The following IQCK variants were observed in gnomAD, a reference collection of about 807,000 sequenced individuals.
The protein encoded by IQCK is IQ domain-containing protein K.
Under a neutral mutation model 28.1 loss-of-function variants are expected in IQCK, and 29 were observed. The ratio of observed to expected loss-of-function variants is 1.03; its 90% CI spans 0.77 to 1.41. IQCK has a LOEUF of 1.41. Ranked by LOEUF, IQCK falls within the 40% of genes most tolerant of loss-of-function variation. The probability of loss-of-function intolerance (pLI) is 0.00; values close to 1 mark genes in which losing one functional copy is unlikely to be tolerated. For missense variants in IQCK, 359 were observed against 314.7 expected (o/e 1.14, Z -1.07); for synonymous variants, 113 against 115.1 (o/e 0.98, Z 0.12).
chr16:19,805,416 T>C (rs2055821278), intron 7 of IQCK, among the ~76,000 whole-genome samples: 1 of 152,242 alleles, frequency 6.6e-6, no homozygotes, highest in African/African-American at 2.4e-5. Flanking sequence ...CATTTGCTAA[T>C]ATTCACTCAC....
intron 4 of IQCK, chr16:19,761,619 T>A: frequency 3.5e-6 from 1 of 288,840 alleles, no homozygotes; most frequent in Non-Finnish European, 6.9e-6. Flanking sequence ...CTAAAAGAAG[T>A]TTACTGGTAT....
At chr16:19,745,243 C>A (rs901993236) in intron 4 of IQCK, among the ~76,000 whole-genome samples, 1 of 152,188 alleles carries the variant, frequency 6.6e-6, no homozygotes, top group Admixed American at 6.5e-5. Context: ...CTCAGTGAAT[C>A]ACCTCACCTA....
In IQCK at chr16:19,849,968, T is replaced by G. The variant is rs2056461993; in HGVS notation, c.803-6519T>G. Among the ~76,000 whole-genome samples the G allele has an allele frequency of 1.3e-5, 2 of 152,108 alleles. 1 individual carries two copies. Among genetic ancestry groups the G allele is most frequent in the East Asian group, 3.9e-4 (2 of 5,190 alleles). On this transcript the variant is annotated intron_variant, in intron 9 of 9. Transcript: ENST00000320394. ...AATTTCAAATTTGCATAATGGAAAT[T>G]TATAGGAAATGTGCTGCACCGTATT...
At chr16:19,830,745 T>C (rs1455055231), downstream of IQCK, among the ~76,000 whole-genome samples, 1 of 152,192 alleles carries the variant, frequency 6.6e-6, no homozygotes, top group Admixed American at 6.5e-5. Flanking sequence ...GTGACCCTGA[T>C]CTACTGAACT....
chr16:19,779,803 C>T (rs1159774651), intron 6 of IQCK, among the ~76,000 whole-genome samples: 5 of 150,836 alleles, frequency 3.3e-5, no homozygotes, highest in East Asian at 1.9e-4. Context: ...CTGCAAGTTC[C>T]GCCTCCTGGG....
chr16:19,837,452 T>C (rs2056312553), intron 9 of IQCK, among the ~76,000 whole-genome samples: 1 of 152,124 alleles, frequency 6.6e-6, no homozygotes, highest in Admixed American at 6.6e-5. Flanking sequence ...AGAACCGAGC[T>C]CCTGCCTTTT....
intron 7 of IQCK, among the ~76,000 whole-genome samples, chr16:19,806,594 G>A (rs1486462134): frequency 6.6e-6 from 1 of 150,892 alleles, no homozygotes; most frequent in African/African-American, 2.4e-5. Flanking sequence ...GGAACCCGAG[G>A]TGGAGGATGG....
At chr16:19,830,909 A>G (rs535376288), downstream of IQCK, among the ~76,000 whole-genome samples, 26 of 152,350 alleles carry the variant, frequency 1.7e-4, 1 homozygote, top group African/African-American at 6.0e-4. Flanking sequence ...TCATGATAGT[A>G]TTATTAAAAT....
chr16:19,798,421 A>ATATAT lies in IQCK; in HGVS notation c.690+9499_690+9500insTATAT, dbSNP rs2055716302. Among the ~76,000 whole-genome samples, 6 of 115,482 alleles carry ATATAT rather than the reference A, an allele frequency of 5.2e-5. No homozygotes were observed. The East Asian group carries it at 1.2e-3, about 24-fold the overall frequency. 75.8% of individuals were successfully genotyped at this position (115,482 alleles called of 152,430 possible). A position where few individuals can be genotyped will look rare whatever the true frequency, so the allele number is the denominator to read the frequency against. ...GACAGAGCCAGAGTCCATCACAAAAAATATATATATATATATATATATATT... is the reference window on the plus strand; with the variant it reads ...GACAGAGCCAGAGTCCATCACAAAAATATATATATATATATATATATATATATATT... On this transcript the variant is annotated intron_variant, in intron 7 of 7. Coordinates refer to ENST00000564186, the Ensembl canonical transcript of IQCK.
At chr16:19,856,537 C>G in exon 10 of IQCK, 1 of 1,613,644 alleles carries the variant, frequency 6.2e-7, no homozygotes, top group Non-Finnish European at 8.5e-7. Context: ...GATGAAAATT[C>G]CATCATCTTA....
chr16:19,803,695 C>T (rs945013100), intron 7 of IQCK, among the ~76,000 whole-genome samples: 6 of 152,114 alleles, frequency 3.9e-5, no homozygotes, highest in African/African-American at 1.4e-4. Flanking sequence ...GTTTGCTGTA[C>T]AGGCTGAAGT....
chr16:19,732,856 C>T (rs1977884394), intron 2 of IQCK, among the ~76,000 whole-genome samples: 1 of 152,148 alleles, frequency 6.6e-6, no homozygotes, highest in Admixed American at 6.5e-5. Flanking sequence ...CAGAAGAGTT[C>T]CTGGAGAGGA....
At chr16:19,764,172 C>G (rs961137044) in intron 6 of IQCK, 60 bp downstream of exon 6, 2 of 1,371,890 alleles carry the variant, frequency 1.5e-6, no homozygotes, top group East Asian at 2.4e-5. Context: ...GTTAATAATA[C>G]TTTTCTTCCA....
At chr16:19,855,359 A>G (rs2141129940) in intron 9 of IQCK, among the ~76,000 whole-genome samples, 1 of 152,260 alleles carries the variant, frequency 6.6e-6, no homozygotes, top group Middle Eastern at 3.4e-3. Context: ...TGGGAGGCTG[A>G]GGCGGGTGGA....
At chr16:19,764,802 G>A (rs2055204680) in intron 6 of IQCK, among the ~76,000 whole-genome samples, 1 of 146,132 alleles carries the variant, frequency 6.8e-6, no homozygotes, top group Non-Finnish European at 1.5e-5. Context: ...GCCATTCTCT[G>A]TCTCAGCCTC....
At chr16:19,753,152 T>C (rs1436522215) in intron 4 of IQCK, among the ~76,000 whole-genome samples, 4 of 151,784 alleles carry the variant, frequency 2.6e-5, no homozygotes, top group Admixed American at 6.6e-5. Context: ...TAGTGTCTCA[T>C]GCCTGTAATC....
intron 1 of IQCK, among the ~76,000 whole-genome samples, chr16:19,723,975 AAGC>A (rs1342056497): frequency 2.6e-5 from 4 of 151,680 alleles, no homozygotes; most frequent in Non-Finnish European, 5.9e-5. Context: ...AAAAAAAAAA[AAGC>A]AGCTTCCTTG....
intron 9 of IQCK, among the ~76,000 whole-genome samples, chr16:19,845,982 G>T (rs189865908): frequency 1.6e-4 from 24 of 152,176 alleles, no homozygotes; most frequent in African/African-American, 4.8e-4. Flanking sequence ...AGGCTGAGGT[G>T]GGGGGGATCA....
intron 1 of IQCK, among the ~76,000 whole-genome samples, chr16:19,720,539 G>C (rs932996603): frequency 6.6e-6 from 1 of 152,220 alleles, no homozygotes; most frequent in Non-Finnish European, 1.5e-5. Flanking sequence ...GCTTAGCACA[G>C]TGCCTGGCAT....
Sources: allele counts gnomAD v4.1 joint callset (sites outside exome capture counted in the v4.1 genomes callset), GRCh38; gene constraint gnomAD v4.1.1; transcripts MANE v1.5; gene names NCBI Gene and HGNC (gene_info 2026-07-23, HGNC 2026-07-21).